WNK1: variants seen among roughly 807,000 people sequenced by gnomAD.
WNK1 encodes the protein WNK lysine deficient protein kinase 1, also known as serine/threonine-protein kinase WNK1.
WNK1 carries 38 observed loss-of-function variants against 222.8 expected under a neutral mutation model. The observed-to-expected ratio is 0.17, with a 90% confidence interval of 0.13 to 0.22. The LOEUF is 0.22. WNK1 is among the 10% of genes least tolerant of loss of function. The pLI, the probability that WNK1 is intolerant of heterozygous loss-of-function variation, is 1.00. For missense variants in WNK1, 2,348 were observed against 2,918.4 expected (o/e 0.80, Z 4.50); for synonymous variants, 1,090 against 1,092.9 (o/e 1.00, Z 0.05).
chr12:861,932 G>T, intron 7 of WNK1, 151 bp from the exon 8 acceptor site: 1 of 864,240 alleles, frequency 1.2e-6, no homozygotes, highest in Non-Finnish European at 1.8e-6. Context: ...ACTGAATATG[G>T]CTACAATTCA....
At chr12:784,450 TTG>T (rs1490687030) in intron 1 of WNK1, among the ~76,000 whole-genome samples, 1 of 152,192 alleles carries the variant, frequency 6.6e-6, no homozygotes, top group Non-Finnish European at 1.5e-5. Flanking sequence ...TTTGATGTGA[TTG>T]TCTTATTTTA....
At chr12:838,661 C>T (rs1949389117) in intron 4 of WNK1, among the ~76,000 whole-genome samples, 1 of 152,110 alleles carries the variant, frequency 6.6e-6, no homozygotes. Context: ...AGCGGTCTGC[C>T]TGCTTTGGCC....
chr12:823,187 C>T (rs1045474679), intron 2 of WNK1, among the ~76,000 whole-genome samples: 1 of 152,158 alleles, frequency 6.6e-6, no homozygotes, highest in Non-Finnish European at 1.5e-5. Flanking sequence ...TAAGTCACTT[C>T]TCCCTTGCTA....
In WNK1 at chr12:896,409, A is replaced by C. The variant is rs1157721488; in HGVS notation, c.5922A>C (p.Gly1974=). 2 of 1,614,156 alleles carry C rather than the reference A, an allele frequency of 1.2e-6. No individual in the cohort carries two copies. The highest frequency in any genetic ancestry group is 2.2e-5 in the South Asian group (2 of 91,082). The change falls in exon 24 of 28, where the codon GGA becomes GGC. Residue 1974 remains glycine (G), a synonymous_variant. Coordinates refer to ENST00000315939, the MANE Select transcript of WNK1 (RefSeq NM_018979.4). The part of the protein sequence containing the change: ...EDKITDTKKE[G]PVASPPFMDL... ...AGATCACTGACACAAAGAAAGAAGG[A>C]CCAGTGGCATCTCCTCCTTTTATGG...
At chr12:897,855 G>A (rs1954882242) in intron 25 of WNK1, among the ~76,000 whole-genome samples, 174 bp downstream of exon 25, 2 of 152,246 alleles carry the variant, frequency 1.3e-5, no homozygotes, top group South Asian at 4.1e-4. Context: ...CTCTTTTTGA[G>A]TCTATAGAAG....
At chr12:824,083 T>A (rs1948146027) in intron 2 of WNK1, among the ~76,000 whole-genome samples, 1 of 151,884 alleles carries the variant, frequency 6.6e-6, no homozygotes, top group South Asian at 2.1e-4. Flanking sequence ...GTTTTTATGT[T>A]TTTAGTAGAC....
At chr12:781,067 A>G (rs1943643987) in intron 1 of WNK1, 2 of 153,062 alleles carry the variant, frequency 1.3e-5, no homozygotes, top group Admixed American at 1.3e-4. Context: ...TAGTTTCCTT[A>G]CTAGCAATGA....
At chr12:842,229 G>A (rs1949680563) in intron 4 of WNK1, among the ~76,000 whole-genome samples, 1 of 152,188 alleles carries the variant, frequency 6.6e-6, no homozygotes, top group South Asian at 2.1e-4. Context: ...CTAAAATGAA[G>A]TTGAATAGCA....
chr12:850,141 A>C (rs1249976369), intron 4 of WNK1, among the ~76,000 whole-genome samples: 1 of 152,196 alleles, frequency 6.6e-6, no homozygotes, highest in Admixed American at 6.5e-5. Flanking sequence ...AGGAATCGCC[A>C]CACTGACTTC....
rs748001683 is a variant in WNK1, at chr12:764,551, G to A, written c.759+10227G>A. ...CTCGGCAGGCTGAGGCAGAAGAATC[G>A]CTTGAACCGGGGAGGTGGAGGTTGT... is the stretch of plus-strand genomic sequence containing the variant. On this transcript the variant is annotated intron_variant, in intron 1 of 27. Coordinates refer to ENST00000315939, the MANE Select transcript of WNK1 (RefSeq NM_018979.4). Among the ~76,000 whole-genome samples the A allele has an allele frequency of 1.1e-4, 15 of 137,364 alleles. 1 individual carries two copies. The highest frequency in any genetic ancestry group is 1.9e-4 in the Non-Finnish European group (12 of 63,166). The allele number at this position is 137,364 out of a possible 152,430, so 90.1% of individuals were successfully genotyped here.
intron 4 of WNK1, among the ~76,000 whole-genome samples, chr12:854,960 C>G (rs766256803): frequency 1.3e-5 from 2 of 152,144 alleles, no homozygotes; most frequent in Admixed American, 1.3e-4. Context: ...TACTGTGATA[C>G]AGTTTTCTCT....
chr12:793,021 C>T (rs1944991104), intron 1 of WNK1, among the ~76,000 whole-genome samples: 1 of 152,034 alleles, frequency 6.6e-6, no homozygotes, highest in Non-Finnish European at 1.5e-5. Context: ...ATGTGGACAC[C>T]TTAGCCTGGT....
intron 9 of WNK1, among the ~76,000 whole-genome samples, chr12:873,665 T>G (rs796495503): frequency 5.3e-5 from 8 of 152,288 alleles, no homozygotes; most frequent in African/African-American, 1.9e-4. Context: ...CAAATGTACC[T>G]CAGAAGCTGT....
rs181633215 is a variant in WNK1, at chr12:813,505, A to G, written c.760-137A>G. On this transcript the variant is annotated intron_variant, in intron 1 of 27. Coordinates refer to ENST00000315939, the MANE Select transcript of WNK1 (RefSeq NM_018979.4). ...GCATGAATGTATATAATCCAAATCT[A>G]TCATTTATAACTTCAGCATTTGCAT... 9 of 861,358 alleles carry G rather than the reference A, an allele frequency of 1.0e-5. No individual in the cohort carries two copies. The East Asian group carries it at 2.4e-4, about 23-fold the overall frequency. The allele number at this position is 861,358 out of a possible 1,614,324, so 53.4% of individuals were successfully genotyped here. A position where few individuals can be genotyped will look rare whatever the true frequency, so the allele number is the denominator to read the frequency against.
chr12:772,609 A>C (rs567221178), intron 1 of WNK1, among the ~76,000 whole-genome samples: 1 of 152,258 alleles, frequency 6.6e-6, no homozygotes, highest in South Asian at 2.1e-4. Flanking sequence ...TTTTGAAGTT[A>C]TATATAAAAA....
chr12:863,068 G>A (rs1175287515), intron 8 of WNK1, among the ~76,000 whole-genome samples: 1 of 151,976 alleles, frequency 6.6e-6, no homozygotes, highest in Non-Finnish European at 1.5e-5. Context: ...AATAAAATAC[G>A]TCATCTGCCT....
chr12:876,218 G>A (rs1284698965), intron 9 of WNK1, among the ~76,000 whole-genome samples: 1 of 152,072 alleles, frequency 6.6e-6, no homozygotes, highest in Non-Finnish European at 1.5e-5. Context: ...GACCATCCTG[G>A]CTAACATGGT....
intron 1 of WNK1, among the ~76,000 whole-genome samples, chr12:755,357 A>C (rs1939839847): frequency 6.6e-6 from 1 of 152,218 alleles, no homozygotes; most frequent in African/African-American, 2.4e-5. Flanking sequence ...AGGATATGAA[A>C]ATAACTGAAT....
At chr12:903,512 G>A (rs146499736) in intron 26 of WNK1, among the ~76,000 whole-genome samples, 1 of 152,254 alleles carries the variant, frequency 6.6e-6, no homozygotes, top group East Asian at 1.9e-4. Context: ...TGAGAGGGAA[G>A]AAAGAGAACC....
Sources: allele counts gnomAD v4.1 joint callset (sites outside exome capture counted in the v4.1 genomes callset), GRCh38; gene constraint gnomAD v4.1.1; transcripts MANE v1.5; gene names NCBI Gene and HGNC (gene_info 2026-07-23, HGNC 2026-07-21).